Variants in GNG12 observed in about 807,000 individuals in gnomAD.
The protein encoded by GNG12 is guanine nucleotide-binding protein G(I)/G(S)/G(O) subunit gamma-12.
For synonymous variants in GNG12, 28 were observed against 29.7 expected, an observed-to-expected ratio of 0.94 and a Z score of 0.19; for missense variants, 69 against 83.8, an observed-to-expected ratio of 0.82 and a Z score of 0.69.
intron 1 of GNG12, among the ~76,000 whole-genome samples, chr1:67,791,730 CTTAAAGAG>C (rs1331330578): frequency 6.6e-6 from 1 of 152,162 alleles, no homozygotes; most frequent in Non-Finnish European, 1.5e-5. Context: ...GCCTGGATGA[CTTAAAGAG>C]TTCCCTCTGC....
At chr1:67,818,090 A>T (rs182922583) in intron 1 of GNG12, among the ~76,000 whole-genome samples, 38 of 152,244 alleles carry the variant, frequency 2.5e-4, no homozygotes, top group Admixed American at 1.2e-3. Flanking sequence ...CCTGGTCAAT[A>T]AATGTTTTCT....
At chr1:67,706,880 G>T (rs184819978) in intron 3 of GNG12, among the ~76,000 whole-genome samples, 2 of 151,988 alleles carry the variant, frequency 1.3e-5, no homozygotes, top group Non-Finnish European at 2.9e-5. Context: ...GGCTGGTCTC[G>T]AATTCCCAAC....
chr1:67,797,714 T>C (rs565419942), intron 1 of GNG12, among the ~76,000 whole-genome samples: 6 of 151,962 alleles, frequency 3.9e-5, no homozygotes, highest in Non-Finnish European at 7.4e-5. Context: ...ACCTAGAAAA[T>C]AGGATGGGAA....
At chr1:67,807,181 A>G (rs1570565397) in intron 1 of GNG12, among the ~76,000 whole-genome samples, 1 of 152,290 alleles carries the variant, frequency 6.6e-6, no homozygotes. Flanking sequence ...ACACACTTCT[A>G]TAAAATACAT....
chr1:67,706,665 T>G (rs1209399927), intron 3 of GNG12, among the ~76,000 whole-genome samples: 3 of 151,538 alleles, frequency 2.0e-5, no homozygotes, highest in African/African-American at 7.3e-5. Context: ...TCTTTTTTTT[T>G]TTTTTTTGAG....
intron 2 of GNG12, among the ~76,000 whole-genome samples, chr1:67,742,589 G>A (rs1341947386): frequency 6.6e-6 from 1 of 151,942 alleles, no homozygotes. Context: ...GACAGGTAGG[G>A]TCCAAAGAAG....
chr1:67,789,595 T>C (rs1217081373), intron 1 of GNG12, among the ~76,000 whole-genome samples: 3 of 152,210 alleles, frequency 2.0e-5, no homozygotes, highest in Non-Finnish European at 2.9e-5. Context: ...AAGCTATTAC[T>C]CTTTTTGCCG....
At chr1:67,778,998 G>A (rs1408199687) in intron 1 of GNG12, among the ~76,000 whole-genome samples, 1 of 152,124 alleles carries the variant, frequency 6.6e-6, no homozygotes, top group Non-Finnish European at 1.5e-5. Flanking sequence ...GGGTCTGGAG[G>A]TTTGTCTGGA....
intron 1 of GNG12, among the ~76,000 whole-genome samples, chr1:67,823,041 T>A (rs1023368619): frequency 1.1e-4 from 16 of 152,316 alleles, no homozygotes; most frequent in African/African-American, 3.8e-4. Context: ...CATCTTCTCT[T>A]TCACCCTGGA....
At chr1:67,809,922 A>G (rs1174796072) in intron 1 of GNG12, among the ~76,000 whole-genome samples, 1 of 152,242 alleles carries the variant, frequency 6.6e-6, no homozygotes, top group Non-Finnish European at 1.5e-5. Context: ...GTACAACTTT[A>G]TATTTACCAA....
intron 2 of GNG12, among the ~76,000 whole-genome samples, chr1:67,770,473 T>C (rs1380261917): frequency 2.0e-5 from 3 of 149,202 alleles, no homozygotes; most frequent in Non-Finnish European, 4.5e-5. Context: ...GAGGGGAGGG[T>C]GAAAGGAATA....
chr1:67,780,258 G>A (rs1181663703), intron 1 of GNG12, among the ~76,000 whole-genome samples: 1 of 152,170 alleles, frequency 6.6e-6, no homozygotes, highest in East Asian at 1.9e-4. Flanking sequence ...GAGGCACAGA[G>A]GTTAAGCCAG....
chr1:67,729,734 G>A (rs1352705334), intron 2 of GNG12, among the ~76,000 whole-genome samples: 1 of 152,212 alleles, frequency 6.6e-6, no homozygotes, highest in East Asian at 1.9e-4. Context: ...GGTGCTCAGA[G>A]CACTACTACT....
intron 2 of GNG12, among the ~76,000 whole-genome samples, chr1:67,738,607 G>A (rs1646465216): frequency 6.6e-6 from 1 of 152,194 alleles, no homozygotes; most frequent in Non-Finnish European, 1.5e-5. Flanking sequence ...TGTAGGCCAG[G>A]CATGGTAGCT....
At chr1:67,716,763 T>A (rs1280427278) in intron 2 of GNG12, among the ~76,000 whole-genome samples, 1 of 152,158 alleles carries the variant, frequency 6.6e-6, no homozygotes. Flanking sequence ...AGACAGGTTA[T>A]CCCCATAGCA....
intron 2 of GNG12, among the ~76,000 whole-genome samples, chr1:67,775,915 G>T (rs1030925395): frequency 1.3e-5 from 2 of 152,164 alleles, no homozygotes; most frequent in African/African-American, 4.8e-5. Context: ...GAGAGATACT[G>T]AACAGATTGT....
chr1:67,804,968 T>C (rs1646886862), intron 1 of GNG12, among the ~76,000 whole-genome samples: 1 of 152,182 alleles, frequency 6.6e-6, no homozygotes, highest in Admixed American at 6.5e-5. Context: ...TACCAGAACA[T>C]TCTATTCTTC....
chr1:67,721,914 G>A (rs1646358551), intron 2 of GNG12, among the ~76,000 whole-genome samples: 1 of 151,878 alleles, frequency 6.6e-6, no homozygotes, highest in Admixed American at 6.6e-5. Flanking sequence ...TGTCTGAAAT[G>A]GAATCCTTTA....
intron 2 of GNG12, among the ~76,000 whole-genome samples, chr1:67,725,740 A>G (rs1003766029): frequency 6.6e-5 from 10 of 152,206 alleles, no homozygotes; most frequent in African/African-American, 1.7e-4. Flanking sequence ...TTTACATAAC[A>G]TGGCACCCAT....
Sources: gnomAD v4.1 joint callset for allele counts (sites outside exome capture counted in the v4.1 genomes callset) on GRCh38, gnomAD v4.1.1 for gene constraint, MANE v1.5 for transcripts, NCBI Gene and HGNC (gene_info 2026-07-23, HGNC 2026-07-21) for gene names.